The following ZNF831 variants were observed in gnomAD, a reference collection of about 807,000 sequenced individuals.
ZNF831 encodes the protein chromosome 20 open reading frame 174.
In ZNF831, 59 loss-of-function variants were observed where a neutral mutation model predicts 95.8. That is an observed-to-expected ratio of 0.62 (90% CI 0.50 to 0.77). The LOEUF (loss-of-function observed/expected upper bound fraction) is 0.77, where lower values mean the gene tolerates loss of function less well. Among genes scored for constraint, ZNF831 ranks in the 30% least tolerant of loss-of-function variants. The pLI, the probability that ZNF831 is intolerant of heterozygous loss-of-function variation, is 0.00. For missense variants in ZNF831, 2,205 were observed against 2,164.0 expected (o/e 1.02, Z -0.38); for synonymous variants, 961 against 925.5 (o/e 1.04, Z -0.70).
chr20:59,165,314 A>G (rs1981172660), intron 1 of ZNF831, among the ~76,000 whole-genome samples: 1 of 152,146 alleles, frequency 6.6e-6, no homozygotes, highest in African/African-American at 2.4e-5. Flanking sequence ...AAGACTGTAA[A>G]AGGGAGGTAG....
intron 4 of ZNF831, among the ~76,000 whole-genome samples, chr20:59,220,022 G>A (rs1985974078): frequency 6.6e-6 from 1 of 152,168 alleles, no homozygotes; most frequent in Admixed American, 6.5e-5. Context: ...GAAAAGAGGA[G>A]AGGGAGGGAG....
chr20:59,125,704 G>A (rs1979151774), intron 1 of ZNF831, among the ~76,000 whole-genome samples: 1 of 152,218 alleles, frequency 6.6e-6, no homozygotes, highest in South Asian at 2.1e-4. Flanking sequence ...GGGCCTAGCT[G>A]GTCTCTAAAA....
chr20:59,193,038 C>A lies in ZNF831; in HGVS notation c.2019C>A (p.Thr673=), dbSNP rs968132820. 3.2e-6 allele frequency: 5 copies of A among 1,574,998 alleles called. No individual in the cohort carries two copies. In the Admixed American group the frequency reaches 8.9e-5, roughly 28 times the overall value. ...EAAGSSGTVP[T]QDRRTPVHED... The stretch of plus-strand genomic sequence containing the variant: ...CAGGGAGCTCAGGCACAGTCCCCAC[C>A]CAAGACAGGAGGACCCCTGTCCATG... Residue 673 remains threonine, a synonymous_variant, in exon 2 of 6, where the codon ACC becomes ACA. Coordinates refer to ENST00000371030, the MANE Select transcript of ZNF831 (RefSeq NM_178457.3).
chr20:59,138,545 T>C (rs1043102730), intron 1 of ZNF831, among the ~76,000 whole-genome samples: 3 of 152,224 alleles, frequency 2.0e-5, no homozygotes, highest in Non-Finnish European at 4.4e-5. Flanking sequence ...ACAAATATTT[T>C]TGGTTTTTCT....
intron 4 of ZNF831, among the ~76,000 whole-genome samples, chr20:59,230,916 GTC>G (rs1386593213): frequency 6.6e-6 from 1 of 152,240 alleles, no homozygotes; most frequent in East Asian, 1.9e-4. Flanking sequence ...GGTGAGAGCA[GTC>G]TGGGTCTATT....
chr20:59,230,208 T>G (rs1179944380), intron 4 of ZNF831, among the ~76,000 whole-genome samples: 1 of 152,236 alleles, frequency 6.6e-6, no homozygotes, highest in African/African-American at 2.4e-5. Context: ...AAATTTTTTT[T>G]GTCTCTGCTA....
At chr20:59,138,037 G>T (rs1163713177) in intron 1 of ZNF831, among the ~76,000 whole-genome samples, 1 of 152,172 alleles carries the variant, frequency 6.6e-6, no homozygotes, top group Non-Finnish European at 1.5e-5. Flanking sequence ...ATATTTAATT[G>T]CAGGATTAAT....
At chr20:59,210,295 C>T (rs259994) in intron 4 of ZNF831, among the ~76,000 whole-genome samples, 15,290 of 152,246 alleles carry the variant, frequency 0.1, 1,599 homozygotes, top group African/African-American at 0.27. Context: ...CAAGTGACCA[C>T]GGGTAGCCTC....
At chr20:59,196,065 A>T in intron 3 of ZNF831, 60 bp downstream of exon 3, 1 of 1,590,208 alleles carries the variant, frequency 6.3e-7, no homozygotes, top group Admixed American at 1.7e-5. Flanking sequence ...TTACTATGGG[A>T]TTTGAAAGGT....
intron 3 of ZNF831, among the ~76,000 whole-genome samples, chr20:59,205,478 G>T (rs1165413261): frequency 2.6e-5 from 4 of 152,232 alleles, no homozygotes; most frequent in Non-Finnish European, 1.5e-5. Context: ...GTTGAGGGGA[G>T]CTTCTCCCAA....
chr20:59,152,492 G>A lies in ZNF831; in HGVS notation c.-1281+6118G>A, dbSNP rs148718527. Among the ~76,000 whole-genome samples, 43 of 152,254 alleles carry A rather than the reference G, an allele frequency of 2.8e-4. No individual in the cohort carries two copies. In the East Asian group the frequency reaches 7.4e-3, roughly 26 times the overall value. ...TGGGGGCCTTTGGTTTGATTGGAGG[G>A]TGCACGCATCCATCCGTGCATGCCG... On this transcript the variant is annotated intron_variant, in intron 2 of 7. Coordinates refer to the ZNF831 transcript ENST00000637017.
chr20:59,131,368 C>T (rs1451941148), intron 1 of ZNF831, among the ~76,000 whole-genome samples: 2 of 152,210 alleles, frequency 1.3e-5, no homozygotes, highest in African/African-American at 4.8e-5. Flanking sequence ...AAGCCAGGGT[C>T]CTGGTCCAGG....
intron 1 of ZNF831, among the ~76,000 whole-genome samples, chr20:59,125,359 G>T (rs912251480): frequency 6.6e-6 from 1 of 152,170 alleles, no homozygotes; most frequent in Non-Finnish European, 1.5e-5. Context: ...TTGCAGATCA[G>T]TTCACCCTAA....
rs777457888 is a variant in ZNF831 at position 59,254,608 on chromosome 20, G to A, written c.4899G>A (p.Glu1633=). 4 of 1,613,924 alleles carry A rather than the reference G, an allele frequency of 2.5e-6. No individual in the cohort carries two copies. The South Asian group carries it at 4.4e-5, about 18-fold the overall frequency. ...RKDSVVPSKP[E]QPIEIPEAPS... Reference sequence around the variant, plus strand: ...ATTCTGTGGTTCCTTCTAAGCCAGAGCAGCCCATAGAAATTCCTGAAGCCC... The same window carrying A: ...ATTCTGTGGTTCCTTCTAAGCCAGAACAGCCCATAGAAATTCCTGAAGCCC... The change falls in exon 6 of 6, where the codon GAG becomes GAA. Residue 1633 remains glutamate (E), a synonymous_variant. Transcript: ENST00000371030. This position sits in a 1 kb window ranked among gnomAD's most constrained non-coding sequence, Gnocchi z 4.5.
intron 3 of ZNF831, among the ~76,000 whole-genome samples, chr20:59,202,578 TTGTTA>T (rs2146626056): frequency 6.6e-6 from 1 of 152,274 alleles, no homozygotes; most frequent in South Asian, 2.1e-4. Flanking sequence ...CGTTTGTTTG[TTGTTA>T]TGTTCCCCGG....
chr20:59,139,820 C>G (rs896440385), intron 1 of ZNF831, among the ~76,000 whole-genome samples: 1 of 152,112 alleles, frequency 6.6e-6, no homozygotes, highest in Non-Finnish European at 1.5e-5. Context: ...AATCAGTGCT[C>G]GTGGATGAAT....
At chr20:59,148,866 T>C (rs1002512072) in intron 2 of ZNF831, among the ~76,000 whole-genome samples, 1 of 151,986 alleles carries the variant, frequency 6.6e-6, no homozygotes, top group African/African-American at 2.4e-5. Flanking sequence ...AGTTCTGCCC[T>C]CCTGACCACA....
At chr20:59,220,612 C>G (rs1986017654) in intron 4 of ZNF831, among the ~76,000 whole-genome samples, 2 of 152,178 alleles carry the variant, frequency 1.3e-5, no homozygotes, top group Admixed American at 6.5e-5. Context: ...TGCCTAAACC[C>G]CTTCCTAACC....
At chr20:59,210,194 G>A (rs530934108) in intron 4 of ZNF831, among the ~76,000 whole-genome samples, 13 of 152,328 alleles carry the variant, frequency 8.5e-5, no homozygotes, top group African/African-American at 3.1e-4. Context: ...ATTTTTGCAG[G>A]AAAGTTCTAT....
Sources: gnomAD v4.1 joint callset for allele counts (sites outside exome capture counted in the v4.1 genomes callset) on GRCh38, gnomAD v4.1.1 for gene constraint, Gnocchi (gnomAD v3.1) non-coding constraint, MANE v1.5 for transcripts, NCBI Gene and HGNC (gene_info 2026-07-23, HGNC 2026-07-21) for gene names.